TMEM181: variants seen among roughly 807,000 people sequenced by gnomAD.
The protein encoded by TMEM181 is transmembrane protein 181.
In TMEM181, 39 loss-of-function variants were observed where a neutral mutation model predicts 71.9. That is an observed-to-expected ratio of 0.54 (90% CI 0.42 to 0.71). TMEM181 has a LOEUF of 0.71. TMEM181 is among the 30% of genes least tolerant of loss of function. The pLI is 0.00. For synonymous variants in TMEM181, 245 were observed against 228.8 expected (o/e 1.07, Z -0.64); for missense variants, 595 against 583.0 (o/e 1.02, Z -0.21).
intron 10 of TMEM181, among the ~76,000 whole-genome samples, chr6:158,622,204 G>A (rs746857487): frequency 6.6e-6 from 1 of 152,150 alleles, no homozygotes; most frequent in Non-Finnish European, 1.5e-5. Context: ...TATTTGTTAG[G>A]CTAATAATAA....
chr6:158,618,238 T>G lies in TMEM181; in HGVS notation c.897-5312T>G, dbSNP rs933999439. 2.6e-5 allele frequency among the ~76,000 whole-genome samples: 4 copies of G among 152,362 alleles called. No individual in the cohort carries two copies. In the East Asian group the frequency reaches 7.7e-4, roughly 29 times the overall value. On this transcript the variant is annotated intron_variant, in intron 10 of 16. Transcript: ENST00000684151. ...ATCCCTTTACCATTATGTAATGGCC[T>G]TCTTTGTCTCTTTTGATCTTTGTTG... is the stretch of plus-strand genomic sequence containing the variant.
intron 16 of TMEM181, 124 bp downstream of exon 16, chr6:158,631,513 C>T (rs1786663965): frequency 5.6e-6 from 6 of 1,078,364 alleles, no homozygotes; most frequent in Non-Finnish European, 6.9e-6. Flanking sequence ...CTTGGAGTGT[C>T]AAGTGGCTCG....
At chr6:158,612,693 C>G (rs1371820481) in intron 10 of TMEM181, among the ~76,000 whole-genome samples, 1 of 152,198 alleles carries the variant, frequency 6.6e-6, no homozygotes, top group Non-Finnish European at 1.5e-5. Context: ...AGCAACATTT[C>G]TTTCCCAATG....
At chr6:158,560,527 G>A (rs967987873) in intron 1 of TMEM181, among the ~76,000 whole-genome samples, 5 of 152,184 alleles carry the variant, frequency 3.3e-5, no homozygotes, top group African/African-American at 1.2e-4. Flanking sequence ...CTCACCGGGG[G>A]GCCGAGAGAA....
chr6:158,583,221 A>G (rs550931842), intron 3 of TMEM181, among the ~76,000 whole-genome samples: 27 of 152,196 alleles, frequency 1.8e-4, no homozygotes, highest in Non-Finnish European at 3.7e-4. Flanking sequence ...TGACAGAGCT[A>G]GACTCCCGTC....
intron 15 of TMEM181, among the ~76,000 whole-genome samples, chr6:158,630,321 A>AC (rs1786588741): frequency 6.6e-6 from 1 of 151,820 alleles, no homozygotes; most frequent in Non-Finnish European, 1.5e-5. Flanking sequence ...CAAAATAGGG[A>AC]CCCCATCTCT....
intron 3 of TMEM181, 138 bp downstream of exon 3, chr6:158,581,133 A>ACAGAAG (rs1783447082): frequency 2.6e-6 from 2 of 780,606 alleles, no homozygotes; most frequent in Non-Finnish European, 4.1e-6. Context: ...TTCTTCTTCC[A>ACAGAAG]TTGTCAGCTG....
At chr6:158,600,908 A>G (rs897635480) in intron 6 of TMEM181, among the ~76,000 whole-genome samples, 10 of 152,128 alleles carry the variant, frequency 6.6e-5, no homozygotes, top group Non-Finnish European at 1.3e-4. Flanking sequence ...AGTAAAAACA[A>G]CCACCCAGCC....
At chr6:158,601,016 C>G (rs1368774686) in intron 6 of TMEM181, among the ~76,000 whole-genome samples, 1 of 152,042 alleles carries the variant, frequency 6.6e-6, no homozygotes, top group Non-Finnish European at 1.5e-5. Context: ...GTTTGTTCGA[C>G]TAAGACGTAG....
At chr6:158,628,221 G>A (rs1786442564) in intron 13 of TMEM181, 187 bp from the exon 14 acceptor site, 1 of 710,652 alleles carries the variant, frequency 1.4e-6, no homozygotes, top group Non-Finnish European at 2.5e-6. Flanking sequence ...AAAACCAGAA[G>A]CAGGGGCTGT....
chr6:158,627,059 CCT>C (rs1010705646), intron 13 of TMEM181, among the ~76,000 whole-genome samples: 1 of 146,802 alleles, frequency 6.8e-6, no homozygotes, highest in Non-Finnish European at 1.5e-5. Flanking sequence ...ATTCTCACAC[CCT>C]CACACCTTCA....
In TMEM181 at chr6:158,570,399, AT is replaced by A. The variant is rs536558603; in HGVS notation, c.9-3006del. Among the ~76,000 whole-genome samples the A allele has an allele frequency of 8.7e-3, 1,244 of 142,260 alleles. 6 individuals carry two copies. The highest frequency in any genetic ancestry group is 0.035 in the South Asian group (157 of 4,440). The allele number at this position is 142,260 out of a possible 152,430, so 93.3% of individuals were successfully genotyped here. A position where few individuals can be genotyped will look rare whatever the true frequency, so the allele number is the denominator to read the frequency against. On this transcript the variant is annotated intron_variant, in intron 1 of 16. Transcript: ENST00000684151. ...AGGTGCCCGCCACAAAGCCTGGCTA[AT>A]TTTTTTTTTTTTTTGTAGTTTCAGT...
chr6:158,600,159 G>T (rs1419264231), intron 6 of TMEM181, among the ~76,000 whole-genome samples: 1 of 151,990 alleles, frequency 6.6e-6, no homozygotes, highest in African/African-American at 2.4e-5. Flanking sequence ...ATAAAGCATT[G>T]TTTTCTAGTG....
At chr6:158,630,954 C>A (rs189011020) in intron 15 of TMEM181, among the ~76,000 whole-genome samples, 1 of 152,206 alleles carries the variant, frequency 6.6e-6, no homozygotes, top group Non-Finnish European at 1.5e-5. Flanking sequence ...AGCAGCAGCT[C>A]GCTGCACGTC....
At chr6:158,615,186 G>T (rs1428087260) in intron 10 of TMEM181, among the ~76,000 whole-genome samples, 2 of 152,208 alleles carry the variant, frequency 1.3e-5, no homozygotes, top group South Asian at 2.1e-4. Context: ...CATTCTAACT[G>T]GTGTGAGTTG....
At chr6:158,591,699 A>T (rs1784119359) in intron 6 of TMEM181, among the ~76,000 whole-genome samples, 1 of 151,146 alleles carries the variant, frequency 6.6e-6, no homozygotes, top group South Asian at 2.1e-4. Context: ...CAAACAAGGG[A>T]CCTCTCCCTT....
At chr6:158,567,852 G>C (rs1324476672) in intron 1 of TMEM181, among the ~76,000 whole-genome samples, 1 of 152,134 alleles carries the variant, frequency 6.6e-6, no homozygotes, top group Non-Finnish European at 1.5e-5. Context: ...AATTCACATA[G>C]GATATGTGCA....
chr6:158,625,861 C>T, intron 13 of TMEM181, 107 bp downstream of exon 13: 2 of 1,003,456 alleles, frequency 2.0e-6, no homozygotes, highest in South Asian at 1.5e-5. Flanking sequence ...ACTTCTAGCC[C>T]AGTAGACTCA....
intron 1 of TMEM181, among the ~76,000 whole-genome samples, chr6:158,551,916 G>A (rs1015362044): frequency 1.3e-5 from 2 of 151,978 alleles, no homozygotes; most frequent in Non-Finnish European, 2.9e-5. Context: ...GCTCTCCAGG[G>A]GCCTAACTGG....
Sources: allele counts gnomAD v4.1 joint callset (sites outside exome capture counted in the v4.1 genomes callset), GRCh38; gene constraint gnomAD v4.1.1; transcripts MANE v1.5; gene names NCBI Gene and HGNC (gene_info 2026-07-23, HGNC 2026-07-21).